CACNA2D1: variants seen among roughly 807,000 people sequenced by gnomAD.
CACNA2D1 encodes the protein voltage-dependent calcium channel subunit alpha-2/delta-1.
Under a neutral mutation model 171.5 loss-of-function variants are expected in CACNA2D1, and 53 were observed. The ratio of observed to expected loss-of-function variants is 0.31; its 90% CI spans 0.25 to 0.39. The LOEUF is 0.39. Among genes scored for constraint, CACNA2D1 ranks in the 10% least tolerant of loss-of-function variants. The probability of loss-of-function intolerance (pLI) is 1.00; values close to 1 mark genes in which losing one functional copy is unlikely to be tolerated. For missense variants in CACNA2D1, 903 were observed against 1,299.8 expected, an observed-to-expected ratio of 0.69 and a Z score of 4.69; for synonymous variants, 442 against 443.1, an observed-to-expected ratio of 1.00 and a Z score of 0.03.
chr7:82,106,066 A>G (rs1414272087), intron 6 of CACNA2D1, among the ~76,000 whole-genome samples: 1 of 152,210 alleles, frequency 6.6e-6, no homozygotes. Context: ...GAATGTTTGC[A>G]TATCTCATAA....
chr7:82,378,938 C>CGT (rs533854397), intron 1 of CACNA2D1, among the ~76,000 whole-genome samples: 3,642 of 139,116 alleles, frequency 0.026, 57 homozygotes, highest in East Asian at 0.033. Context: ...GGGGTTGACT[C>CGT]GTGTGTGTGT....
At position 82,111,428 on chromosome 7, in the gene CACNA2D1, G is replaced by GTGTGTATATA. The variant is rs1413914216; in HGVS notation, c.526+5615_526+5616insTATATACACA. Among the ~76,000 whole-genome samples, 84 of 50,394 alleles carry GTGTGTATATA rather than the reference G, an allele frequency of 1.7e-3. 1 individual carries two copies. Among genetic ancestry groups the GTGTGTATATA allele is most frequent in the African/African-American group, 6.6e-3 (70 of 10,544 alleles). 33.1% of individuals were successfully genotyped at this position (50,394 alleles called of 152,430 possible). A position where few individuals can be genotyped will look rare whatever the true frequency, so the allele number is the denominator to read the frequency against. On this transcript the variant is annotated intron_variant, in intron 6 of 38. Coordinates refer to ENST00000356860, the MANE Select transcript of CACNA2D1 (RefSeq NM_000722.4). ...TATTCATATATGTGTATATATGTGT[G>GTGTGTATATA]TATATATATATATATATTTTTTTTT...
chr7:82,275,944 A>T (rs1809262299), intron 3 of CACNA2D1, among the ~76,000 whole-genome samples: 2 of 152,184 alleles, frequency 1.3e-5, no homozygotes, highest in South Asian at 4.1e-4. Flanking sequence ...ATATCATTCC[A>T]GGGTCTTCAC....
At chr7:82,050,973 G>T (rs1454385208) in intron 10 of CACNA2D1, 9 of 264,470 alleles carry the variant, frequency 3.4e-5, no homozygotes, top group Non-Finnish European at 6.7e-5. Flanking sequence ...AAGAGACAGG[G>T]TTGCCTGTGA....
chr7:82,327,785 T>C (rs889817143), intron 3 of CACNA2D1, among the ~76,000 whole-genome samples: 2 of 152,196 alleles, frequency 1.3e-5, no homozygotes, highest in Non-Finnish European at 2.9e-5. Flanking sequence ...TAATTATGTG[T>C]TGTTACTCTC....
intron 11 of CACNA2D1, among the ~76,000 whole-genome samples, chr7:82,033,547 G>A (rs1418328048): frequency 6.6e-6 from 1 of 151,954 alleles, no homozygotes; most frequent in Non-Finnish European, 1.5e-5. Flanking sequence ...TCACATGTTT[G>A]AAATCACAAA....
chr7:82,092,301 GTAAAA>G (rs1256229059), intron 6 of CACNA2D1, among the ~76,000 whole-genome samples: 1 of 152,090 alleles, frequency 6.6e-6, no homozygotes, highest in Non-Finnish European at 1.5e-5. Context: ...TATGTAATTT[GTAAAA>G]TAAAGTAGAA....
chr7:82,105,398 CTTTTTT>C (rs572031121), intron 6 of CACNA2D1, among the ~76,000 whole-genome samples: 3 of 99,486 alleles, frequency 3.0e-5, no homozygotes, highest in African/African-American at 1.2e-4. Flanking sequence ...CAGTTTTTGT[CTTTTTT>C]TTTTTTTTTT....
At chr7:82,047,983 T>G (rs1804747531) in intron 10 of CACNA2D1, among the ~76,000 whole-genome samples, 1 of 152,134 alleles carries the variant, frequency 6.6e-6, no homozygotes, top group East Asian at 1.9e-4. Flanking sequence ...TATCTAGGCC[T>G]GGAAGCATCC....
chr7:82,170,173 A>G (rs1584987712), intron 4 of CACNA2D1, among the ~76,000 whole-genome samples: 1 of 151,932 alleles, frequency 6.6e-6, no homozygotes, highest in Non-Finnish European at 1.5e-5. Context: ...TTACAAACTC[A>G]AAGTAGTTAA....
At chr7:81,997,131 A>G in intron 19 of CACNA2D1, 48 bp downstream of exon 19, 1 of 1,031,126 alleles carries the variant, frequency 9.7e-7, no homozygotes, top group Non-Finnish European at 1.5e-6. Flanking sequence ...ATGAGTGCAT[A>G]CCAGCATCTG....
intron 1 of CACNA2D1, among the ~76,000 whole-genome samples, chr7:82,401,105 G>T (rs1826351124): frequency 6.6e-6 from 1 of 152,086 alleles, no homozygotes; most frequent in Non-Finnish European, 1.5e-5. Flanking sequence ...TACACTGTTG[G>T]TGGGACTGTA....
intron 4 of CACNA2D1, among the ~76,000 whole-genome samples, chr7:82,164,093 C>T (rs1337359232): frequency 6.6e-6 from 1 of 151,894 alleles, no homozygotes; most frequent in Non-Finnish European, 1.5e-5. Flanking sequence ...CATGACTATA[C>T]CAAAGCTGTG....
chr7:81,992,865 T>C (rs1041047641), intron 20 of CACNA2D1, among the ~76,000 whole-genome samples: 35 of 152,322 alleles, frequency 2.3e-4, no homozygotes, highest in Middle Eastern at 6.8e-3. Flanking sequence ...CAGTAAATTT[T>C]CTGCATGAAA....
Position 82,187,267 on chromosome 7 carries a change from A to G in CACNA2D1, c.295-16658T>C, listed in dbSNP as rs1376423782. 2.0e-5 allele frequency among the ~76,000 whole-genome samples: 3 copies of G among 152,194 alleles called. No homozygotes were observed. The East Asian group carries it at 5.8e-4, about 29-fold the overall frequency. ...GGTAAGTACCACAATAATCCACATA[A>G]TAAATACATTTATTACTCATTTGCA... On this transcript the variant is annotated intron_variant, in intron 3 of 38. Coordinates refer to ENST00000356860, the MANE Select transcript of CACNA2D1 (RefSeq NM_000722.4).
At chr7:82,156,580 A>G (rs921302211) in intron 4 of CACNA2D1, among the ~76,000 whole-genome samples, 4 of 152,016 alleles carry the variant, frequency 2.6e-5, no homozygotes, top group Non-Finnish European at 5.9e-5. Flanking sequence ...ATTTGACTGT[A>G]TATCTTTAAA....
At chr7:82,294,330 T>C (rs1210182384) in intron 3 of CACNA2D1, among the ~76,000 whole-genome samples, 2 of 152,122 alleles carry the variant, frequency 1.3e-5, no homozygotes, top group Non-Finnish European at 2.9e-5. Context: ...GTAACATAGA[T>C]GCAGGATGGA....
At chr7:82,229,974 G>T (rs1036085206) in intron 3 of CACNA2D1, among the ~76,000 whole-genome samples, 2 of 152,158 alleles carry the variant, frequency 1.3e-5, no homozygotes, top group Non-Finnish European at 2.9e-5. Context: ...TATAAGCACA[G>T]CTCCAATTCC....
chr7:82,093,818 A>T (rs1263248484), intron 6 of CACNA2D1, among the ~76,000 whole-genome samples: 1 of 152,184 alleles, frequency 6.6e-6, no homozygotes. Flanking sequence ...ACACACACAA[A>T]ATTATGCACA....
Sources: gnomAD v4.1 joint callset for allele counts (sites outside exome capture counted in the v4.1 genomes callset) on GRCh38, gnomAD v4.1.1 for gene constraint, MANE v1.5 for transcripts, NCBI Gene and HGNC (gene_info 2026-07-23, HGNC 2026-07-21) for gene names.